The following OPCML variants were observed in gnomAD, a reference collection of about 807,000 sequenced individuals.
OPCML encodes the protein opioid binding protein/cell adhesion molecule like.
In OPCML, 13 loss-of-function variants were observed where a neutral mutation model predicts 37.8. That is an observed-to-expected ratio of 0.34 (90% CI 0.22 to 0.55). The LOEUF (loss-of-function observed/expected upper bound fraction) is 0.55. Among genes scored for constraint, OPCML ranks in the 20% least tolerant of loss-of-function variants. The pLI is 0.91. For synonymous variants in OPCML, 176 were observed against 168.8 expected (o/e 1.04, Z -0.33); for missense variants, 341 against 435.6 (o/e 0.78, Z 1.93).
intron 2 of OPCML, among the ~76,000 whole-genome samples, chr11:132,745,563 C>CAAAAA (rs10562857): frequency 1.1e-4 from 11 of 102,940 alleles, no homozygotes; most frequent in East Asian, 4.1e-4. Flanking sequence ...TGCTGTCTTG[C>CAAAAA]AAAAAAAAAA....
At chr11:132,520,678 G>A (rs61906362) in intron 4 of OPCML, among the ~76,000 whole-genome samples, 9 of 87,838 alleles carry the variant, frequency 1.0e-4, no homozygotes, top group African/African-American at 1.3e-4. Flanking sequence ...ATATATATGT[G>A]TGTGTGTGTG....
intron 4 of OPCML, among the ~76,000 whole-genome samples, chr11:132,496,504 G>A (rs1206380159): frequency 1.3e-5 from 2 of 152,186 alleles, no homozygotes; most frequent in African/African-American, 4.8e-5. Context: ...TTGAGCTATG[G>A]GAAAGCAAGA....
chr11:132,880,650 C>A (rs1943192714), intron 2 of OPCML, among the ~76,000 whole-genome samples: 1 of 152,166 alleles, frequency 6.6e-6, no homozygotes, highest in Non-Finnish European at 1.5e-5. Context: ...AAAGTGAACG[C>A]CCAAAAGGAA....
intron 2 of OPCML, among the ~76,000 whole-genome samples, chr11:132,933,354 C>A (rs953745557): frequency 2.6e-5 from 4 of 152,138 alleles, no homozygotes; most frequent in Non-Finnish European, 4.4e-5. Flanking sequence ...CCTTGCAAAT[C>A]GTTCAGAATC....
chr11:132,902,406 T>G (rs1358413838), intron 2 of OPCML, among the ~76,000 whole-genome samples: 1 of 152,186 alleles, frequency 6.6e-6, no homozygotes, highest in Non-Finnish European at 1.5e-5. Flanking sequence ...CAGCATAGTG[T>G]CTGGCACATG....
chr11:133,284,529 G>A (rs1269145221), intron 1 of OPCML, among the ~76,000 whole-genome samples: 1 of 152,214 alleles, frequency 6.6e-6, no homozygotes, highest in East Asian at 1.9e-4. Context: ...GAGATGGGAA[G>A]GGAAGGGCGG....
Position 132,484,146 on chromosome 11 carries a change from G to A in OPCML, c.505+44915C>T, listed in dbSNP as rs538827172. Among the ~76,000 whole-genome samples the A allele has an allele frequency of 2.4e-3, 361 of 152,010 alleles. 1 individual carries two copies. The highest frequency in any genetic ancestry group is 0.02 in the Middle Eastern group (6 of 294). ...TGAACAGGCAACCTACAGAATGGGA[G>A]GAAATTTTTGCAACCTACTCATCTG... is the stretch of plus-strand genomic sequence containing the variant. On this transcript the variant is annotated intron_variant, in intron 4 of 7. Coordinates refer to ENST00000524381, the MANE Select transcript of OPCML (RefSeq NM_001012393.5).
At chr11:132,913,101 CTTTCT>C (rs1454297393) in intron 2 of OPCML, among the ~76,000 whole-genome samples, 1 of 152,140 alleles carries the variant, frequency 6.6e-6, no homozygotes, top group Non-Finnish European at 1.5e-5. Context: ...TTTTTCTGTC[CTTTCT>C]TTTATTATTT....
intron 1 of OPCML, among the ~76,000 whole-genome samples, chr11:133,042,988 C>A (rs1247701452): frequency 6.6e-6 from 1 of 152,162 alleles, no homozygotes; most frequent in Non-Finnish European, 1.5e-5. Flanking sequence ...AGATTTCCTG[C>A]AAAACACTTG....
At chr11:132,600,692 C>A (rs978249191) in intron 3 of OPCML, among the ~76,000 whole-genome samples, 2 of 151,392 alleles carry the variant, frequency 1.3e-5, no homozygotes, top group Admixed American at 1.3e-4. Context: ...ATGTTAAATG[C>A]AAACTATAAG....
At chr11:132,913,090 T>G (rs988650385) in intron 2 of OPCML, among the ~76,000 whole-genome samples, 3 of 152,226 alleles carry the variant, frequency 2.0e-5, no homozygotes, top group Admixed American at 2.0e-4. Context: ...CAATCTCCTA[T>G]TTTTTCTGTC....
At chr11:133,349,595 A>G (rs1464075950) in intron 1 of OPCML, among the ~76,000 whole-genome samples, 1 of 152,160 alleles carries the variant, frequency 6.6e-6, no homozygotes, top group Non-Finnish European at 1.5e-5. Flanking sequence ...ATATTGACCC[A>G]TATCTCCATA....
At chr11:133,192,753 A>G (rs1466619196) in intron 1 of OPCML, among the ~76,000 whole-genome samples, 3 of 152,178 alleles carry the variant, frequency 2.0e-5, no homozygotes, top group Admixed American at 1.3e-4. Context: ...ATCAATTTCT[A>G]TAAGGGAAAG....
chr11:132,689,535 G>T (rs951416467), intron 2 of OPCML, among the ~76,000 whole-genome samples: 1 of 152,206 alleles, frequency 6.6e-6, no homozygotes, highest in African/African-American at 2.4e-5. Flanking sequence ...CTGTGTCACA[G>T]ATAGCTTAGA....
At chr11:132,480,838 C>A (rs1190058299) in intron 4 of OPCML, among the ~76,000 whole-genome samples, 1 of 151,754 alleles carries the variant, frequency 6.6e-6, no homozygotes, top group Non-Finnish European at 1.5e-5. Flanking sequence ...TTGTCACCAC[C>A]AGCCCTGCCC....
chr11:132,747,693 C>T (rs935233805), intron 2 of OPCML, among the ~76,000 whole-genome samples: 7 of 152,118 alleles, frequency 4.6e-5, no homozygotes, highest in African/African-American at 7.2e-5. Flanking sequence ...CCTCAGAAGA[C>T]GGAACTCAGA....
At chr11:132,689,763 A>T (rs1029360328) in intron 2 of OPCML, among the ~76,000 whole-genome samples, 3 of 152,202 alleles carry the variant, frequency 2.0e-5, no homozygotes, top group African/African-American at 7.2e-5. Flanking sequence ...GAACCTTAAG[A>T]GGATCTTTAT....
At chr11:132,766,542 AG>A (rs1946450041) in intron 2 of OPCML, among the ~76,000 whole-genome samples, 1 of 152,142 alleles carries the variant, frequency 6.6e-6, no homozygotes, top group South Asian at 2.1e-4. Context: ...ACATAGTAGA[AG>A]GGGCAGAAGT....
At chr11:132,940,284 C>A (rs1196742961) in intron 2 of OPCML, among the ~76,000 whole-genome samples, 2 of 152,156 alleles carry the variant, frequency 1.3e-5, no homozygotes, top group Non-Finnish European at 2.9e-5. Flanking sequence ...CTCTGGCCTC[C>A]TTATGGGACT....
Sources: allele counts gnomAD v4.1 joint callset (sites outside exome capture counted in the v4.1 genomes callset), GRCh38; gene constraint gnomAD v4.1.1; transcripts MANE v1.5; gene names NCBI Gene and HGNC (gene_info 2026-07-23, HGNC 2026-07-21).